Variants in EPB41 observed in about 807,000 individuals in gnomAD.
EPB41 encodes the protein erythrocyte membrane protein band 4.1, also known as protein 4.1.
A neutral mutation model predicts 108.0 loss-of-function variants in EPB41; 65 were observed. The ratio of observed to expected loss-of-function variants is 0.60; its 90% CI spans 0.49 to 0.74. The LOEUF is 0.74. Among genes scored for constraint, EPB41 ranks in the 30% least tolerant of loss-of-function variants. The pLI is 0.00. For missense variants in EPB41, 875 were observed against 1,037.0 expected, an observed-to-expected ratio of 0.84 and a Z score of 2.15; for synonymous variants, 336 against 358.9, an observed-to-expected ratio of 0.94 and a Z score of 0.72.
Position 29,018,872 on chromosome 1 carries a change from T to G in EPB41, c.1124+430T>G, listed in dbSNP as rs1454965606. ...AGGGCCCGTGAAACTCTTGGAAGTA[T>G]TTTTAAAAGTCTTTATTAAATTTAC... is the stretch of plus-strand genomic sequence containing the variant. On this transcript the variant is annotated intron_variant, in intron 7 of 20. Transcript: ENST00000343067. The surrounding 1 kb of genome is among the most constrained non-coding windows in gnomAD (Gnocchi z 4.4). 6.6e-6 allele frequency among the ~76,000 whole-genome samples: 1 copy of G among 152,184 alleles called. No individual in the cohort carries two copies. Among genetic ancestry groups the G allele is most frequent in the African/African-American group, 2.4e-5 (1 of 41,434 alleles).
intron 1 of EPB41, among the ~76,000 whole-genome samples, chr1:28,892,129 A>G (rs2147824386): frequency 6.7e-6 from 1 of 148,914 alleles, no homozygotes; most frequent in South Asian, 2.1e-4. Context: ...TAACACCACC[A>G]TTTATTGCAC....
chr1:29,103,366 C>T (rs1666093511), intron 17 of EPB41, among the ~76,000 whole-genome samples: 1 of 152,220 alleles, frequency 6.6e-6, no homozygotes, highest in African/African-American at 2.4e-5. Flanking sequence ...AATATAAAGG[C>T]AGCGTGATAT....
intron 18 of EPB41, among the ~76,000 whole-genome samples, chr1:29,111,634 C>G: frequency 6.6e-6 from 1 of 151,418 alleles, no homozygotes; most frequent in East Asian, 1.9e-4. Flanking sequence ...GCCTGGGCGA[C>G]AGAGCAAGAC....
intron 4 of EPB41, among the ~76,000 whole-genome samples, chr1:29,001,329 CA>C (rs145371183): frequency 6.6e-6 from 1 of 151,010 alleles, no homozygotes; most frequent in East Asian, 1.9e-4. Flanking sequence ...GATCCCGTCT[CA>C]AAAAAAAATC....
rs144960117 is a variant in EPB41, at chr1:28,963,711, C to G, written c.-7-23720C>G. Among the ~76,000 whole-genome samples the G allele has an allele frequency of 4.4e-3, 663 of 152,276 alleles. 4 individuals are homozygous for G. The highest frequency in any genetic ancestry group is 0.015 in the African/African-American group (630 of 41,552). On this transcript the variant is annotated intron_variant, in intron 1 of 20. Transcript: ENST00000343067. ...CCACTTGATCAGATGATTTATCAGT[C>G]TCATTGAGGTTTAAGATTTTGTGAT...
At chr1:29,096,886 G>C (rs555004881) in intron 16 of EPB41, 1 of 152,380 alleles carries the variant, frequency 6.6e-6, no homozygotes, top group Non-Finnish European at 1.5e-5. Flanking sequence ...GTGGGCTATG[G>C]AAAGAGGTGA....
chr1:29,018,362 TTA>T lies in EPB41; in HGVS notation c.1046_1047del (p.Tyr349CysfsTer2). On this transcript the variant is annotated frameshift_variant, in exon 7 of 21. Transcript: ENST00000343067. LOFTEE classifies it high-confidence loss of function. This position sits in a 1 kb window ranked among gnomAD's most constrained non-coding sequence, Gnocchi z 4.4. ...DYDPELHGVD[Y>X]VSDFKLAPNQ... ...ACGACCCAGAACTCCATGGCGTGGA[TTA>T]TGTTAGTGATTTTAAACTGGCCCCG... is the stretch of plus-strand genomic sequence containing the variant. 6.2e-7 allele frequency: 1 copy of T among 1,614,128 alleles called. No homozygotes were observed.
intron 16 of EPB41, among the ~76,000 whole-genome samples, chr1:29,068,319 C>G (rs940610929): frequency 6.6e-6 from 1 of 152,210 alleles, no homozygotes; most frequent in African/African-American, 2.4e-5. Flanking sequence ...GAAAAAGTAA[C>G]TTGGTCCTCT....
intron 1 of EPB41, among the ~76,000 whole-genome samples, chr1:28,956,775 C>A (rs1002331111): frequency 2.0e-5 from 3 of 152,146 alleles, no homozygotes; most frequent in Non-Finnish European, 4.4e-5. Context: ...GTGGGAGATA[C>A]AGATATTTCA....
chr1:29,041,143 TAAATTAAATAAA>T (rs1349976626), intron 11 of EPB41: 4 of 135,524 alleles, frequency 3.0e-5, no homozygotes, highest in African/African-American at 5.8e-5. Context: ...CATAAATAAA[TAAATTAAATAAA>T]TAAATAAATA....
At chr1:28,969,621 C>T (rs983499113) in intron 1 of EPB41, among the ~76,000 whole-genome samples, 5 of 151,784 alleles carry the variant, frequency 3.3e-5, no homozygotes, top group South Asian at 2.1e-4. Context: ...AAAAATTGGC[C>T]GGTCGCAGTG....
At chr1:29,083,520 A>G (rs1333984623) in intron 16 of EPB41, among the ~76,000 whole-genome samples, 1 of 152,134 alleles carries the variant, frequency 6.6e-6, no homozygotes, top group African/African-American at 2.4e-5. Flanking sequence ...ATGGGCTCCT[A>G]CTGCTTGACT....
chr1:28,906,389 G>T (rs979693563), intron 1 of EPB41, among the ~76,000 whole-genome samples: 9 of 152,220 alleles, frequency 5.9e-5, no homozygotes, highest in Non-Finnish European at 1.3e-4. Flanking sequence ...AGGTGGCACA[G>T]AGCCTGTTTC....
At chr1:29,055,053 T>A (rs1208091405) in intron 12 of EPB41, among the ~76,000 whole-genome samples, 1 of 151,998 alleles carries the variant, frequency 6.6e-6, no homozygotes, top group Admixed American at 6.6e-5. Context: ...ATAATAATAA[T>A]AAATAAACTG....
At chr1:28,989,309 T>G (rs1179137400) in intron 2 of EPB41, 1 of 784,004 alleles carries the variant, frequency 1.3e-6, no homozygotes, top group Non-Finnish European at 1.5e-6. Flanking sequence ...GGGAAAACAT[T>G]AGTACTGTAA....
At chr1:29,008,729 C>G (rs2096452594) in intron 4 of EPB41, among the ~76,000 whole-genome samples, 1 of 152,214 alleles carries the variant, frequency 6.6e-6, no homozygotes. Context: ...ATGGAATACT[C>G]TCCCTCCATG....
intron 1 of EPB41, among the ~76,000 whole-genome samples, chr1:28,932,620 G>T (rs1249189994): frequency 2.0e-5 from 3 of 151,690 alleles, no homozygotes; most frequent in African/African-American, 7.3e-5. Flanking sequence ...TTTCTCCTCT[G>T]TTAAGTTTTA....
At chr1:29,102,395 A>G (rs1036861098) in intron 17 of EPB41, among the ~76,000 whole-genome samples, 10 of 152,256 alleles carry the variant, frequency 6.6e-5, no homozygotes, top group African/African-American at 2.2e-4. Flanking sequence ...TTGTATATCA[A>G]TACACTCTCT....
intron 4 of EPB41, among the ~76,000 whole-genome samples, chr1:28,997,713 ATAAT>A (rs780371400): frequency 6.6e-6 from 1 of 151,304 alleles, no homozygotes; most frequent in Non-Finnish European, 1.5e-5. Context: ...ATGACATATC[ATAAT>A]TAAATATAAT....
Sources: allele counts gnomAD v4.1 joint callset (sites outside exome capture counted in the v4.1 genomes callset), GRCh38; gene constraint gnomAD v4.1.1; non-coding constraint Gnocchi (gnomAD v3.1); transcripts MANE v1.5; gene names NCBI Gene and HGNC (gene_info 2026-07-23, HGNC 2026-07-21).